The following GRIN2B variants were observed in gnomAD, a reference collection of about 807,000 sequenced individuals.
GRIN2B encodes the protein glutamate receptor ionotropic, NMDA 2B.
A neutral mutation model predicts 114.5 loss-of-function variants in GRIN2B; 5 were observed. The ratio of observed to expected loss-of-function variants is 0.04; its 90% CI spans 0.02 to 0.09. The LOEUF (loss-of-function observed/expected upper bound fraction) is 0.09, where lower values mean the gene tolerates loss of function less well. Among genes scored for constraint, GRIN2B ranks in the 10% least tolerant of loss-of-function variants. GRIN2B has a pLI of 1.00. For synonymous variants in GRIN2B, 787 were observed against 745.1 expected (o/e 1.06, Z -0.92); for missense variants, 1,108 against 1,943.5 (o/e 0.57, Z 8.08).
intron 5 of GRIN2B, among the ~76,000 whole-genome samples, chr12:13,653,055 T>C (rs1442070150): frequency 6.6e-6 from 1 of 151,996 alleles, no homozygotes; most frequent in Non-Finnish European, 1.5e-5. Context: ...AAGGGCTAGA[T>C]TAGAGTCAAG....
rs1948432371 is a variant in GRIN2B, at chr12:13,552,957, A to G, written c.*9826T>C. On this transcript the variant is annotated 3_prime_UTR_variant, in exon 14 of 14. Transcript: ENST00000609686. ...GTAACTTATTTGAGTTCAGTTCTCT[A>G]TAGTATGCTTTAAATTAGCACACAG... The G allele has an allele frequency of 6.6e-6, 1 of 152,142 alleles. No individual in the cohort carries two copies. Among genetic ancestry groups the G allele is most frequent in the Non-Finnish European group, 1.5e-5 (1 of 68,028 alleles). The allele number at this position is 152,142 out of a possible 1,614,324, so 9.4% of individuals were successfully genotyped here.
At chr12:13,679,767 C>T (rs956181538) in intron 4 of GRIN2B, among the ~76,000 whole-genome samples, 1 of 152,104 alleles carries the variant, frequency 6.6e-6, no homozygotes, top group Non-Finnish European at 1.5e-5. Context: ...CATCCATTCA[C>T]TGGTAATGAA....
intron 5 of GRIN2B, among the ~76,000 whole-genome samples, chr12:13,652,273 C>G (rs755074582): frequency 2.0e-5 from 3 of 151,840 alleles, no homozygotes; most frequent in Admixed American, 1.3e-4. Context: ...TGGAGAGGCT[C>G]TCTGTATCCT....
intron 3 of GRIN2B, among the ~76,000 whole-genome samples, chr12:13,824,698 C>T (rs1020844388): frequency 2.0e-4 from 31 of 151,378 alleles, no homozygotes; most frequent in African/African-American, 7.0e-4. Flanking sequence ...ACTAAAAATA[C>T]AAAAAAAATT....
chr12:13,711,485 A>G (rs1950413620), intron 4 of GRIN2B, among the ~76,000 whole-genome samples: 1 of 152,178 alleles, frequency 6.6e-6, no homozygotes, highest in South Asian at 2.1e-4. Context: ...CTCATCTGAC[A>G]AAGGGCTAAT....
intron 4 of GRIN2B, among the ~76,000 whole-genome samples, chr12:13,751,770 A>T (rs1257919522): frequency 6.6e-6 from 1 of 152,202 alleles, no homozygotes; most frequent in Non-Finnish European, 1.5e-5. Context: ...GGTTGCAACC[A>T]GAGATGTCAC....
chr12:13,546,897 T>G lies in GRIN2B; in HGVS notation c.*15886A>C, dbSNP rs142497620. On this transcript the variant is annotated 3_prime_UTR_variant, in exon 14 of 14. Coordinates refer to ENST00000609686, the MANE Select transcript of GRIN2B (RefSeq NM_000834.5). ...ATCTTGACCAGAGCACCAGGACACA[T>G]GCTCAGAGGTGGCTTAATATTCCAG... 4.9e-4 allele frequency: 74 copies of G among 152,262 alleles called. 1 individual carries two copies. The East Asian group carries it at 0.014, about 28-fold the overall frequency. The allele number at this position is 152,262 out of a possible 1,614,324, so 9.4% of individuals were successfully genotyped here.
At chr12:13,965,957 C>T (rs914878443) in intron 2 of GRIN2B, among the ~76,000 whole-genome samples, 3 of 152,154 alleles carry the variant, frequency 2.0e-5, no homozygotes, top group Non-Finnish European at 2.9e-5. Flanking sequence ...GAGCAGGATC[C>T]CTCCAGACTT....
At chr12:13,879,163 T>C (rs769322715) in intron 2 of GRIN2B, among the ~76,000 whole-genome samples, 8 of 152,192 alleles carry the variant, frequency 5.3e-5, no homozygotes, top group Admixed American at 2.6e-4. Flanking sequence ...TTAGGCGACT[T>C]CATCATGGTG....
chr12:13,809,230 A>G (rs1864680480), intron 3 of GRIN2B, among the ~76,000 whole-genome samples: 1 of 152,128 alleles, frequency 6.6e-6, no homozygotes, highest in African/African-American at 2.4e-5. Context: ...AGAAAAACCA[A>G]TTTCCTAATT....
At chr12:13,893,650 G>A (rs1238621262) in intron 2 of GRIN2B, among the ~76,000 whole-genome samples, 1 of 152,016 alleles carries the variant, frequency 6.6e-6, no homozygotes, top group Non-Finnish European at 1.5e-5. Flanking sequence ...TAATAGATAT[G>A]TGCCTCAAAA....
At chr12:13,920,250 A>AT (rs1277693352) in intron 2 of GRIN2B, among the ~76,000 whole-genome samples, 3 of 141,434 alleles carry the variant, frequency 2.1e-5, no homozygotes, top group African/African-American at 7.8e-5. Flanking sequence ...AAAAAAAAAA[A>AT]CGGGGATTGG....
At chr12:13,957,335 A>C (rs1204066840) in intron 2 of GRIN2B, among the ~76,000 whole-genome samples, 1 of 152,150 alleles carries the variant, frequency 6.6e-6, no homozygotes, top group Non-Finnish European at 1.5e-5. Flanking sequence ...TACCATATAC[A>C]TGTGTATGGG....
intron 2 of GRIN2B, among the ~76,000 whole-genome samples, chr12:13,900,577 A>G (rs1240748303): frequency 6.6e-6 from 1 of 152,192 alleles, no homozygotes; most frequent in Non-Finnish European, 1.5e-5. Flanking sequence ...ATAAGCGTCC[A>G]AAAATGTCCC....
intron 10 of GRIN2B, among the ~76,000 whole-genome samples, chr12:13,607,677 T>A (rs1949301384): frequency 6.8e-6 from 1 of 146,492 alleles, no homozygotes; most frequent in Non-Finnish European, 1.5e-5. Context: ...AAAGTACTAT[T>A]TGGTCTGAAG....
intron 4 of GRIN2B, among the ~76,000 whole-genome samples, chr12:13,707,658 C>A (rs552483889): frequency 6.6e-6 from 1 of 152,084 alleles, no homozygotes; most frequent in East Asian, 1.9e-4. Flanking sequence ...GTTATAAAAT[C>A]TGAGATTTTC....
At chr12:13,595,856 G>A (rs1174106733) in intron 10 of GRIN2B, among the ~76,000 whole-genome samples, 1 of 152,190 alleles carries the variant, frequency 6.6e-6, no homozygotes, top group Non-Finnish European at 1.5e-5. Flanking sequence ...AATTTGGTGT[G>A]CTTTTAAAAG....
At chr12:13,864,175 A>G (rs927673043) in intron 3 of GRIN2B, among the ~76,000 whole-genome samples, 1 of 152,138 alleles carries the variant, frequency 6.6e-6, no homozygotes, top group Non-Finnish European at 1.5e-5. Flanking sequence ...TTCTCATATG[A>G]TACTGGAATG....
At chr12:13,691,736 T>C (rs994204087) in intron 4 of GRIN2B, among the ~76,000 whole-genome samples, 3 of 151,494 alleles carry the variant, frequency 2.0e-5, no homozygotes, top group African/African-American at 7.3e-5. Flanking sequence ...TAGAGAGAAA[T>C]GAAGAGATGG....
Sources: allele counts gnomAD v4.1 joint callset (sites outside exome capture counted in the v4.1 genomes callset), GRCh38; gene constraint gnomAD v4.1.1; transcripts MANE v1.5; gene names NCBI Gene and HGNC (gene_info 2026-07-23, HGNC 2026-07-21).